Variants in PTPDC1 observed in about 807,000 individuals in gnomAD.
The protein encoded by PTPDC1 is protein tyrosine phosphatase domain-containing protein 1.
PTPDC1 carries 53 observed loss-of-function variants against 75.3 expected under a neutral mutation model. The ratio of observed to expected loss-of-function variants is 0.70; its 90% CI spans 0.56 to 0.88. PTPDC1 has a LOEUF of 0.88. Ranked by LOEUF, PTPDC1 falls within the 40% of genes least tolerant of loss-of-function variation. The pLI, the probability that PTPDC1 is intolerant of heterozygous loss-of-function variation, is 0.00. For synonymous variants in PTPDC1, 349 were observed against 366.2 expected, an observed-to-expected ratio of 0.95 and a Z score of 0.54; for missense variants, 925 against 998.6, an observed-to-expected ratio of 0.93 and a Z score of 0.99.
Position 94,097,986 on chromosome 9 carries a change from G to T in PTPDC1, c.1420G>T (p.Val474Phe). 6.2e-7 allele frequency: 1 copy of T among 1,614,142 alleles called. No homozygotes were observed. Among genetic ancestry groups the T allele is most frequent in the Non-Finnish European group, 8.5e-7 (1 of 1,180,022 alleles). ...ACAGACAGTGCCTGCCCAGATCTTG[G>T]TTGGCCACAAGCCCAGGCAGCAGAA... ...TPQTVPAQIL[V>F]GHKPRQQKLI... Residue 474 changes from valine (V) to phenylalanine (F), a missense_variant, in exon 6 of 9, where the codon GTT (valine) becomes TTT (phenylalanine). Val to Phe is a conservative substitution (Grantham distance 50). Transcript: ENST00000620992.
intron 1 of PTPDC1, among the ~76,000 whole-genome samples, chr9:94,050,745 G>A (rs12551742): frequency 2.5e-4 from 38 of 152,330 alleles, no homozygotes; most frequent in Non-Finnish European, 4.1e-4. Flanking sequence ...AAAGCTGTCA[G>A]ACAGGGATAT....
Position 94,068,726 on chromosome 9 carries a change from A to G in PTPDC1, c.82+3905A>G, listed in dbSNP as rs550222611. 5.9e-5 allele frequency among the ~76,000 whole-genome samples: 9 copies of G among 152,322 alleles called. No individual in the cohort carries two copies. In the South Asian group the frequency reaches 1.9e-3, roughly 32 times the overall value. On this transcript the variant is annotated intron_variant, in intron 2 of 9. Transcript: ENST00000375360. The stretch of plus-strand genomic sequence containing the variant: ...CCTGAATTAATTATTACTGTGATAG[A>G]TAACTGGAGATTTTCTTCGCCTGCC...
chr9:94,089,923 G>T (rs1587892810), intron 4 of PTPDC1, among the ~76,000 whole-genome samples: 3 of 106,736 alleles, frequency 2.8e-5, no homozygotes, highest in African/African-American at 4.4e-5. Context: ...TTTTGATGGG[G>T]TTGTTTGTTT....
intron 1 of PTPDC1, among the ~76,000 whole-genome samples, chr9:94,050,949 G>A (rs117472244): frequency 0.076 from 11,547 of 152,234 alleles, 590 homozygotes; most frequent in East Asian, 0.14. Context: ...CCACCTTGCC[G>A]TTTGATCTCA....
At chr9:94,094,798 C>G (rs952817198) in intron 4 of PTPDC1, among the ~76,000 whole-genome samples, 2 of 152,226 alleles carry the variant, frequency 1.3e-5, no homozygotes, top group Admixed American at 6.5e-5. Context: ...TTTTTAAGCC[C>G]GTCCGAAAAG....
At chr9:94,080,976 T>TTTTTTC (rs1311538649), upstream of PTPDC1, among the ~76,000 whole-genome samples, 2 of 143,064 alleles carry the variant, frequency 1.4e-5, no homozygotes, top group Non-Finnish European at 3.0e-5. Flanking sequence ...AAAATATTCT[T>TTTTTTC]TTTTTCTTTT....
chr9:94,037,825 TA>T (rs1255685185), intron 1 of PTPDC1, among the ~76,000 whole-genome samples: 1 of 152,222 alleles, frequency 6.6e-6, no homozygotes, highest in African/African-American at 2.4e-5. Flanking sequence ...TCCAGTCAGA[TA>T]TATAGTTAGC....
At chr9:94,041,432 G>A (rs183983860) in intron 1 of PTPDC1, among the ~76,000 whole-genome samples, 59 of 152,260 alleles carry the variant, frequency 3.9e-4, no homozygotes, top group African/African-American at 1.3e-3. Flanking sequence ...TAAAGAGATT[G>A]TAGAATAATT....
In PTPDC1 at chr9:94,095,413, G is replaced by A; in HGVS notation, c.713G>A (p.Gly238Glu). Residue 238 changes from glycine (G) to glutamate (E), a missense_variant, in exon 5 of 9, where the codon GGA becomes GAA. Coordinates refer to ENST00000620992, the MANE Select transcript of PTPDC1 (RefSeq NM_001253829.2). Reference sequence around the variant, plus strand: ...GTGATGACATTTGCCTTACAGGAAGGAAAAGTAGCTATCCATTGTCATGCA... The same window carrying A: ...GTGATGACATTTGCCTTACAGGAAGAAAAAGTAGCTATCCATTGTCATGCA... Reference protein sequence around the residue: ...VKVMTFALQEGKVAIHCHAGL... With the variant: ...VKVMTFALQEEKVAIHCHAGL... The A allele has an allele frequency of 6.2e-7, 1 of 1,613,876 alleles. No individual in the cohort carries two copies. The highest frequency in any genetic ancestry group is 8.5e-7 in the Non-Finnish European group (1 of 1,179,844).
Position 94,097,298 on chromosome 9 carries a change from GTCT to G in PTPDC1, c.755-19_755-17del. On this transcript the variant is annotated intron_variant, in intron 5 of 8. Coordinates refer to ENST00000620992, the MANE Select transcript of PTPDC1 (RefSeq NM_001253829.2). ...AAAAATGTAAGCTTTTCTCATACCA[GTCT>G]TCTCTTCTTCACTGTTTAGGTGTTT... The G allele has an allele frequency of 6.8e-7, 1 of 1,471,582 alleles. No homozygotes were observed. The highest frequency in any genetic ancestry group is 1.4e-5 in the African/African-American group (1 of 70,780). 91.2% of individuals were successfully genotyped at this position (1,471,582 alleles called of 1,614,324 possible).
upstream of PTPDC1, among the ~76,000 whole-genome samples, chr9:94,080,044 G>A (rs143295754): frequency 9.9e-5 from 15 of 152,218 alleles, no homozygotes; most frequent in Admixed American, 4.6e-4. Flanking sequence ...AGGCATCAGA[G>A]CTTGGGTCAG....
At chr9:94,102,385 G>A (rs1050447891) in intron 7 of PTPDC1, among the ~76,000 whole-genome samples, 9 of 151,508 alleles carry the variant, frequency 5.9e-5, no homozygotes, top group African/African-American at 2.2e-4. Flanking sequence ...GAGGAAATAT[G>A]TATATATGTA....
chr9:94,069,715 A>G (rs1447751504), intron 2 of PTPDC1, among the ~76,000 whole-genome samples: 1 of 150,794 alleles, frequency 6.6e-6, no homozygotes, highest in African/African-American at 2.4e-5. Context: ...GGGTTTCACC[A>G]TGTTGGCCAG....
Position 94,097,845 on chromosome 9 carries a change from T to C in PTPDC1, c.1279T>C (p.Trp427Arg). The C allele has an allele frequency of 6.2e-7, 1 of 1,614,192 alleles. No individual in the cohort carries two copies. The highest frequency in any genetic ancestry group is 8.5e-7 in the Non-Finnish European group (1 of 1,180,032). ...CAATGAGCAACAGTTTGACCCTCTT[T>C]GGAAAAGGCGGAATGTTGAGTGCCT... ...FSNEQQFDPLWKRRNVECLQP... is the reference protein window; with the variant it reads ...FSNEQQFDPLRKRRNVECLQP... Residue 427 changes from tryptophan to arginine, a missense_variant, in exon 6 of 9, where the codon TGG becomes CGG. Physicochemically the swap from Trp to Arg is moderately radical, Grantham distance 101. Coordinates refer to ENST00000620992, the MANE Select transcript of PTPDC1 (RefSeq NM_001253829.2).
At chr9:94,064,858 C>A in intron 2 of PTPDC1, 1 of 1,469,658 alleles carries the variant, frequency 6.8e-7, no homozygotes, top group Non-Finnish European at 9.5e-7. Flanking sequence ...TCTCTCTGTG[C>A]AAGCTGGCAT....
intron 8 of PTPDC1, among the ~76,000 whole-genome samples, chr9:94,107,108 C>T (rs1828050065): frequency 6.6e-6 from 1 of 152,104 alleles, no homozygotes; most frequent in Admixed American, 6.5e-5. Context: ...CATGTGCCAC[C>T]ATGCCTGGCT....
intron 1 of PTPDC1, among the ~76,000 whole-genome samples, chr9:94,047,843 A>T (rs1326437772): frequency 6.6e-6 from 1 of 152,206 alleles, no homozygotes; most frequent in African/African-American, 2.4e-5. Flanking sequence ...TCCTCAACAC[A>T]TACATCCTCC....
At chr9:94,049,227 G>T (rs967176691) in intron 1 of PTPDC1, among the ~76,000 whole-genome samples, 1 of 152,156 alleles carries the variant, frequency 6.6e-6, no homozygotes, top group African/African-American at 2.4e-5. Flanking sequence ...ATTGTTATGT[G>T]TGAATTTGAT....
intron 2 of PTPDC1, among the ~76,000 whole-genome samples, chr9:94,076,318 A>C: frequency 6.6e-6 from 1 of 152,098 alleles, no homozygotes; most frequent in East Asian, 1.9e-4. Context: ...TGTACTCTTT[A>C]GCAAGCACCA....
Sources: allele counts gnomAD v4.1 joint callset (sites outside exome capture counted in the v4.1 genomes callset), GRCh38; gene constraint gnomAD v4.1.1; transcripts MANE v1.5; gene names NCBI Gene and HGNC (gene_info 2026-07-23, HGNC 2026-07-21).